PPARGC1B: variants seen among roughly 807,000 people sequenced by gnomAD.
The protein encoded by PPARGC1B is peroxisome proliferator-activated receptor gamma coactivator 1-beta.
PPARGC1B carries 34 observed loss-of-function variants against 101.6 expected under a neutral mutation model. That is an observed-to-expected ratio of 0.33 (90% confidence interval 0.25 to 0.45). The LOEUF is 0.45. Ranked by LOEUF, PPARGC1B falls within the 20% of genes least tolerant of loss-of-function variation. The probability of loss-of-function intolerance (pLI) is 1.00; values close to 1 mark genes in which losing one functional copy is unlikely to be tolerated. For missense variants in PPARGC1B, 1,234 were observed against 1,317.6 expected, an observed-to-expected ratio of 0.94 and a Z score of 0.98; for synonymous variants, 548 against 539.3, an observed-to-expected ratio of 1.02 and a Z score of -0.22.
chr5:149,734,974 C>T (rs2113064519), intron 1 of PPARGC1B, among the ~76,000 whole-genome samples: 1 of 152,282 alleles, frequency 6.6e-6, no homozygotes, highest in South Asian at 2.1e-4. Context: ...AGAAGGGCCC[C>T]CTGCCACATG....
Position 149,832,589 on chromosome 5 carries a change from T to C in PPARGC1B, c.583-67T>C. The C allele has an allele frequency of 7.6e-7, 1 of 1,318,788 alleles. No homozygotes were observed. Among genetic ancestry groups the C allele is most frequent in the Non-Finnish European group, 1.0e-6 (1 of 963,384 alleles). The allele number at this position is 1,318,788 out of a possible 1,614,324, so 81.7% of individuals were successfully genotyped here. On this transcript the variant is annotated intron_variant, in intron 4 of 11. Coordinates refer to ENST00000309241, the MANE Select transcript of PPARGC1B (RefSeq NM_133263.4). This position sits in a 1 kb window ranked among gnomAD's most constrained non-coding sequence, Gnocchi z 4.9. Reference sequence around the variant, plus strand: ...GACACAATGGGCCAGCCAGTGACCATGCGGATGAGACACATGGGAGGAGTG... The same window carrying C: ...GACACAATGGGCCAGCCAGTGACCACGCGGATGAGACACATGGGAGGAGTG...
At chr5:149,821,415 G>T (rs561971998) in intron 2 of PPARGC1B, among the ~76,000 whole-genome samples, 2 of 152,344 alleles carry the variant, frequency 1.3e-5, no homozygotes, top group East Asian at 3.9e-4. Flanking sequence ...AGCAAGCTCT[G>T]CATGGATTTG....
rs1026111413 is a variant in PPARGC1B, at chr5:149,853,605, G to C, written c.*6047G>C. On this transcript the variant is annotated 3_prime_UTR_variant, in exon 12 of 12. Transcript: ENST00000309241. This position sits in a 1 kb window ranked among gnomAD's most constrained non-coding sequence, Gnocchi z 4.2. Reference sequence around the variant, plus strand: ...AGGATTTTGTGGGGGGCCTGGCCATGATCTTTGATATGATCCCCGAATAGC... The same window carrying C: ...AGGATTTTGTGGGGGGCCTGGCCATCATCTTTGATATGATCCCCGAATAGC... 1.3e-5 allele frequency: 2 copies of C among 152,220 alleles called. No homozygotes were observed. Among genetic ancestry groups the C allele is most frequent in the Non-Finnish European group, 2.9e-5 (2 of 68,038 alleles). 9.4% of individuals were successfully genotyped at this position (152,220 alleles called of 1,614,324 possible).
Position 149,837,468 on chromosome 5 carries a change from G to T in PPARGC1B, c.2618+395G>T, listed in dbSNP as rs564048078. Among the ~76,000 whole-genome samples the T allele has an allele frequency of 6.6e-6, 1 of 152,218 alleles. No individual in the cohort carries two copies. The highest frequency in any genetic ancestry group is 1.5e-5 in the Non-Finnish European group (1 of 68,042). ...CTGCCCCAACAGTTTGAATTCTAGGGATGTTTATAAGTAAAAGAAAGATTA... is the reference window on the plus strand; with the variant it reads ...CTGCCCCAACAGTTTGAATTCTAGGTATGTTTATAAGTAAAAGAAAGATTA... On this transcript the variant is annotated intron_variant, in intron 8 of 11. Transcript: ENST00000309241. The surrounding 1 kb of genome is among the most constrained non-coding windows in gnomAD (Gnocchi z 4.2).
At chr5:149,815,319 T>C (rs1758011929) in intron 1 of PPARGC1B, among the ~76,000 whole-genome samples, 1 of 152,078 alleles carries the variant, frequency 6.6e-6, no homozygotes, top group South Asian at 2.1e-4. Context: ...GTATGGCTAG[T>C]GTCCTTATCA....
At chr5:149,845,597 A>G (rs1759517204) in intron 10 of PPARGC1B, 163 bp from the exon 11 acceptor site, 1 of 676,408 alleles carries the variant, frequency 1.5e-6, no homozygotes, top group Non-Finnish European at 2.5e-6. Context: ...TTATTACCAC[A>G]TTGCAGAAGT....
chr5:149,772,309 G>A (rs1051083372), intron 1 of PPARGC1B, among the ~76,000 whole-genome samples: 1 of 152,228 alleles, frequency 6.6e-6, no homozygotes, highest in Non-Finnish European at 1.5e-5. Flanking sequence ...TGTGCTGGCT[G>A]TCTCGGGATG....
chr5:149,856,335 T>G (rs1446069776), downstream of PPARGC1B, among the ~76,000 whole-genome samples: 5 of 152,198 alleles, frequency 3.3e-5, no homozygotes, highest in Admixed American at 3.3e-4. Context: ...ATAGGAACGT[T>G]TCCACTTAGG....
At chr5:149,826,956 G>T in intron 3 of PPARGC1B, 71 bp downstream of exon 3, 1 of 1,222,546 alleles carries the variant, frequency 8.2e-7, no homozygotes, top group Non-Finnish European at 1.2e-6. Context: ...GGCATGGGGT[G>T]CAGAGCAATC....
intron 1 of PPARGC1B, among the ~76,000 whole-genome samples, chr5:149,802,064 C>G (rs1014101173): frequency 2.0e-5 from 3 of 152,208 alleles, no homozygotes; most frequent in Admixed American, 6.5e-5. Context: ...CCCTGACCCC[C>G]GAGCTCCTCT....
chr5:149,805,168 G>A (rs1355654231), intron 1 of PPARGC1B, among the ~76,000 whole-genome samples: 1 of 152,166 alleles, frequency 6.6e-6, no homozygotes, highest in African/African-American at 2.4e-5. Flanking sequence ...TTCTTTCAAA[G>A]TCACATAGAT....
chr5:149,760,905 G>T (rs1755693505), intron 1 of PPARGC1B, among the ~76,000 whole-genome samples: 1 of 152,166 alleles, frequency 6.6e-6, no homozygotes, highest in African/African-American at 2.4e-5. Flanking sequence ...AGAACTGGGG[G>T]ATGGGGATTA....
chr5:149,760,536 T>G (rs1237840916), intron 1 of PPARGC1B, among the ~76,000 whole-genome samples: 1 of 152,244 alleles, frequency 6.6e-6, no homozygotes, highest in Non-Finnish European at 1.5e-5. Flanking sequence ...GACTTGAATG[T>G]ATCTCCAGCA....
chr5:149,837,333 C>T lies in PPARGC1B; in HGVS notation c.2618+260C>T, dbSNP rs1334904644. On this transcript the variant is annotated intron_variant, in intron 8 of 11. Transcript: ENST00000309241. The surrounding 1 kb of genome is among the most constrained non-coding windows in gnomAD (Gnocchi z 4.2). ...TCCTGGCCTCCAGAAAGAAAGAAAACCCACTCCTGGCTATTTGTGGGCTTA... is the reference window on the plus strand; with the variant it reads ...TCCTGGCCTCCAGAAAGAAAGAAAATCCACTCCTGGCTATTTGTGGGCTTA... Among the ~76,000 whole-genome samples, 4 of 152,222 alleles carry T rather than the reference C, an allele frequency of 2.6e-5. No homozygotes were observed. The highest frequency in any genetic ancestry group is 5.9e-5 in the Non-Finnish European group (4 of 68,036).
chr5:149,810,735 C>CACAA (rs1757821477), intron 1 of PPARGC1B, among the ~76,000 whole-genome samples: 2 of 152,146 alleles, frequency 1.3e-5, no homozygotes, highest in Non-Finnish European at 2.9e-5. Context: ...GGACAGGTCA[C>CACAA]ACGGGAGATC....
chr5:149,772,936 T>C (rs1201976034), intron 1 of PPARGC1B, among the ~76,000 whole-genome samples: 2 of 152,224 alleles, frequency 1.3e-5, no homozygotes, highest in Non-Finnish European at 2.9e-5. Flanking sequence ...CCTATGCCAG[T>C]GGTTGTACTG....
intron 1 of PPARGC1B, among the ~76,000 whole-genome samples, chr5:149,735,003 T>C (rs997651673): frequency 1.3e-5 from 2 of 152,196 alleles, no homozygotes; most frequent in Non-Finnish European, 2.9e-5. Flanking sequence ...GGAAAATGGC[T>C]CCACACACCC....
In PPARGC1B at chr5:149,821,171, TA is replaced by T. The variant is rs1292417512; in HGVS notation, c.252+567del. Among the ~76,000 whole-genome samples the T allele has an allele frequency of 2.6e-5, 4 of 152,332 alleles. No individual in the cohort carries two copies. In the East Asian group the frequency reaches 7.7e-4, roughly 29 times the overall value. On this transcript the variant is annotated intron_variant, in intron 2 of 11. Transcript: ENST00000309241. The stretch of plus-strand genomic sequence containing the variant: ...GAGAGCTGTCCCTGTTTGTGTATAT[TA>T]ATTCATTTAAATTTCTTAACAACTC...
At position 149,853,684 on chromosome 5, in the gene PPARGC1B, C is replaced by T; in HGVS notation, c.*6126C>T. 6.6e-6 allele frequency: 1 copy of T among 152,124 alleles called. No homozygotes were observed. The highest frequency in any genetic ancestry group is 1.5e-5 in the Non-Finnish European group (1 of 68,028). 9.4% of individuals were successfully genotyped at this position (152,124 alleles called of 1,614,324 possible). On this transcript the variant is annotated 3_prime_UTR_variant, in exon 12 of 12. Transcript: ENST00000309241. This position sits in a 1 kb window ranked among gnomAD's most constrained non-coding sequence, Gnocchi z 4.2. ...TTTCTGTATTTTGTATTTTTAAAAT[C>T]TTGTCAAATGTTTTTGTGTTAGGAA...
Sources: allele counts gnomAD v4.1 joint callset (sites outside exome capture counted in the v4.1 genomes callset), GRCh38; gene constraint gnomAD v4.1.1; non-coding constraint Gnocchi (gnomAD v3.1); transcripts MANE v1.5; gene names NCBI Gene and HGNC (gene_info 2026-07-23, HGNC 2026-07-21).